The following DNAH5 variants were observed in gnomAD, a reference collection of about 807,000 sequenced individuals.
The protein encoded by DNAH5 is dynein axonemal heavy chain 5, also known as axonemal beta dynein heavy chain 5.
DNAH5 carries 372 observed loss-of-function variants against 518.2 expected under a neutral mutation model. The observed-to-expected ratio is 0.72, with a 90% confidence interval of 0.66 to 0.78. The LOEUF is 0.78. Among genes scored for constraint, DNAH5 ranks in the 30% least tolerant of loss-of-function variants. DNAH5 has a pLI of 0.00. For synonymous variants in DNAH5, 2,039 were observed against 2,025.9 expected (o/e 1.01, Z -0.17); for missense variants, 5,523 against 5,687.0 (o/e 0.97, Z 0.93).
rs1330138659 is a variant in DNAH5, at chr5:13,922,160, G to A, written c.607C>T (p.Leu203=). 6.2e-7 allele frequency: 1 copy of A among 1,614,064 alleles called. No homozygotes were observed. Among genetic ancestry groups the A allele is most frequent in the South Asian group, 1.1e-5 (1 of 91,064 alleles). ...ANIRQEFLSS[L]EGFVNVLSGA... ...GACAGGACGTTCACAAAGCCTTCCA[G>A]GGAGCTCAAGAACTCCTGGCGAATG... The change falls in exon 5 of 79, where the codon CTG becomes TTG. Residue 203 remains leucine, a synonymous_variant. Transcript: ENST00000265104.
chr5:13,953,867 C>T (rs1205672619), intron 1 of DNAH5, among the ~76,000 whole-genome samples: 1 of 152,084 alleles, frequency 6.6e-6, no homozygotes, highest in Non-Finnish European at 1.5e-5. Flanking sequence ...GCCACCACGT[C>T]CAGCTAATTT....
intron 1 of DNAH5, among the ~76,000 whole-genome samples, chr5:14,011,614 C>G (rs1171506292): frequency 6.6e-6 from 1 of 152,134 alleles, no homozygotes. Context: ...CCTGGCTGGG[C>G]GTGGGAGCCG....
intron 70 of DNAH5, among the ~76,000 whole-genome samples, chr5:13,721,965 C>A (rs1745112139): frequency 6.6e-6 from 1 of 152,136 alleles, no homozygotes; most frequent in African/African-American, 2.4e-5. Flanking sequence ...AGTCTATATT[C>A]TCCACCTTCT....
At position 13,714,465 on chromosome 5, in the gene DNAH5, C is replaced by G. The variant is rs372488592; in HGVS notation, c.13065G>C (p.Val4355=). 3.8e-5 allele frequency: 61 copies of G among 1,614,068 alleles called. No homozygotes were observed. In the Admixed American group the frequency reaches 1.0e-3, roughly 26 times the overall value. The change falls in exon 75 of 79, where the codon GTG becomes GTC. Residue 4355 remains valine (V), a synonymous_variant. Coordinates refer to ENST00000265104, the MANE Select transcript of DNAH5 (RefSeq NM_001369.3). ...GCATATCATCAGCCAGCCGGGCCAC[C>G]ACCGCCTCCCGGGTCTCATCCCCTC... The part of the protein sequence containing the change: ...SGGGDETREA[V]VARLADDMLE...
rs751652153 is a variant in DNAH5 at position 13,870,982 on chromosome 5, T to C, written c.3619A>G (p.Thr1207Ala). ...LYTADLKFALTAETKAWMVVI... is the reference protein window; with the variant it reads ...LYTADLKFALAAETKAWMVVI... ...ACCATCCAGGCCTTTGTCTCAGCAG[T>C]CAGGGCGAACTTCAAGTCAGCTGTA... is the stretch of plus-strand genomic sequence containing the variant. The change falls in exon 24 of 79, where the codon ACT becomes GCT. Residue 1207 changes from threonine to alanine, a missense_variant. Physicochemically the swap from Thr to Ala is moderately conservative, Grantham distance 58. Transcript: ENST00000265104. 2.5e-6 allele frequency: 4 copies of C among 1,613,596 alleles called. No individual in the cohort carries two copies. Among genetic ancestry groups the C allele is most frequent in the South Asian group, 2.2e-5 (2 of 91,042 alleles).
intron 2 of DNAH5, among the ~76,000 whole-genome samples, chr5:13,930,204 G>C (rs1778285543): frequency 1.3e-5 from 2 of 152,200 alleles, no homozygotes; most frequent in South Asian, 2.1e-4. Context: ...AATGAAGCCA[G>C]TGGTGTGCCA....
chr5:13,842,437 A>AGAG lies in DNAH5; in HGVS notation c.5272-534_5272-533insCTC, dbSNP rs1561407249. ...GAAAAGAAAAGAAAAGAAAGAAAGAAAGAAAGAAAGAAAGAAAGAAAGAAA... is the reference window on the plus strand; with the variant it reads ...GAAAAGAAAAGAAAAGAAAGAAAGAAGAGAGAAAGAAAGAAAGAAAGAAAGAAA... On this transcript the variant is annotated intron_variant, in intron 32 of 78. Transcript: ENST00000265104. 2.7e-3 allele frequency among the ~76,000 whole-genome samples: 247 copies of AGAG among 91,192 alleles called. 39 individuals carry two copies. Among genetic ancestry groups the AGAG allele is most frequent in the East Asian group, 0.023 (57 of 2,524 alleles). The allele number at this position is 91,192 out of a possible 152,430, so 59.8% of individuals were successfully genotyped here. A position where few individuals can be genotyped will look rare whatever the true frequency, so the allele number is the denominator to read the frequency against.
intron 32 of DNAH5, among the ~76,000 whole-genome samples, chr5:13,842,960 T>G (rs1034883605): frequency 6.6e-6 from 1 of 152,208 alleles, no homozygotes; most frequent in Non-Finnish European, 1.5e-5. Flanking sequence ...GAAAGACACT[T>G]AAATTATCTT....
chr5:13,717,232 T>C (rs1744418873), intron 73 of DNAH5, 83 bp downstream of exon 73: 1 of 1,279,294 alleles, frequency 7.8e-7, no homozygotes, highest in Non-Finnish European at 1.1e-6. Context: ...TTATATAATT[T>C]ACGCCAAAGC....
chr5:13,824,079 T>C (rs1762579089), intron 39 of DNAH5, 120 bp downstream of exon 39: 1 of 1,078,348 alleles, frequency 9.3e-7, no homozygotes, highest in African/African-American at 1.6e-5. Context: ...CTCCAGCACT[T>C]TATCTGACAA....
intron 40 of DNAH5, among the ~76,000 whole-genome samples, chr5:13,822,753 G>A (rs1365040744): frequency 1.3e-5 from 2 of 152,194 alleles, no homozygotes; most frequent in Admixed American, 6.5e-5. Flanking sequence ...GGGAAGTCCA[G>A]AGACATCATG....
intron 78 of DNAH5, among the ~76,000 whole-genome samples, chr5:13,695,151 A>C (rs1450550616): frequency 1.3e-5 from 2 of 152,198 alleles, no homozygotes; most frequent in Non-Finnish European, 2.9e-5. Flanking sequence ...CAGAACTAGA[A>C]ACCTGAGTTC....
intron 75 of DNAH5, among the ~76,000 whole-genome samples, chr5:13,712,796 G>A (rs754079885): frequency 1.3e-5 from 2 of 152,098 alleles, no homozygotes; most frequent in Non-Finnish European, 2.9e-5. Context: ...CTGCAAGAAT[G>A]GCCATAATCG....
intron 23 of DNAH5, 123 bp downstream of exon 23, chr5:13,871,441 A>T: frequency 1.1e-6 from 1 of 873,362 alleles, no homozygotes; most frequent in Non-Finnish European, 1.8e-6. Context: ...AATTGGTTTT[A>T]AAGCTTGAGG....
intron 21 of DNAH5, among the ~76,000 whole-genome samples, chr5:13,880,815 A>C (rs1370484999): frequency 2.0e-5 from 3 of 152,036 alleles, no homozygotes; most frequent in Non-Finnish European, 2.9e-5. Context: ...GGCAAGAGTA[A>C]GTCTGTACCT....
intron 65 of DNAH5, among the ~76,000 whole-genome samples, chr5:13,742,752 A>G (rs1473435596): frequency 6.6e-6 from 1 of 152,106 alleles, no homozygotes; most frequent in East Asian, 1.9e-4. Flanking sequence ...AAATAAATCT[A>G]AGTACATTTC....
chr5:13,814,952 C>T (rs1299179907), intron 42 of DNAH5, 106 bp from the exon 43 acceptor site: 2 of 1,089,940 alleles, frequency 1.8e-6, no homozygotes, highest in African/African-American at 3.2e-5. Context: ...ATGTAATTTT[C>T]ATTAATTTTT....
At chr5:13,857,837 C>T (rs983640979) in intron 30 of DNAH5, among the ~76,000 whole-genome samples, 3 of 152,186 alleles carry the variant, frequency 2.0e-5, no homozygotes, top group African/African-American at 7.2e-5. Flanking sequence ...GGACCCCTTC[C>T]TTACACCTTA....
At chr5:13,842,490 A>AAAGAGAAAGAAAAG (rs1765420327) in intron 32 of DNAH5, among the ~76,000 whole-genome samples, 1 of 107,854 alleles carries the variant, frequency 9.3e-6, no homozygotes, top group Admixed American at 9.3e-5. Flanking sequence ...AAAGAGAAAG[A>AAAGAGAAAGAAAAG]AAAGAAAGAA....
Sources: gnomAD v4.1 joint callset for allele counts (sites outside exome capture counted in the v4.1 genomes callset) on GRCh38, gnomAD v4.1.1 for gene constraint, MANE v1.5 for transcripts, NCBI Gene and HGNC (gene_info 2026-07-23, HGNC 2026-07-21) for gene names.